The following CNTLN variants were observed in gnomAD, a reference collection of about 807,000 sequenced individuals.
The protein encoded by CNTLN is centlein, centrosomal protein.
CNTLN carries 212 observed loss-of-function variants against 180.0 expected under a neutral mutation model. The observed-to-expected ratio is 1.18, with a 90% CI of 1.05 to 1.32. CNTLN has a LOEUF of 1.32. Ranked by LOEUF, CNTLN falls within the 40% of genes most tolerant of loss-of-function variation. The pLI, the probability that CNTLN is intolerant of heterozygous loss-of-function variation, is 0.00. For synonymous variants in CNTLN, 722 were observed against 563.1 expected (o/e 1.28, Z -3.99); for missense variants, 2,095 against 1,610.9 (o/e 1.30, Z -5.14).
intron 18 of CNTLN, among the ~76,000 whole-genome samples, chr9:17,421,115 T>C (rs760041214): frequency 6.6e-6 from 1 of 152,186 alleles, no homozygotes; most frequent in Non-Finnish European, 1.5e-5. Context: ...GTTTCTTTGT[T>C]GATTTTCTAT....
chr9:17,391,926 T>G (rs112998421), intron 14 of CNTLN, among the ~76,000 whole-genome samples: 5 of 152,228 alleles, frequency 3.3e-5, no homozygotes, highest in African/African-American at 9.6e-5. Flanking sequence ...AAAGGTAAAA[T>G]AACTTAAATA....
In CNTLN at chr9:17,471,310, C is replaced by T. The variant is rs113181989; in HGVS notation, c.3855+4419C>T. On this transcript the variant is annotated intron_variant, in intron 23 of 25. Coordinates refer to ENST00000380647, the MANE Select transcript of CNTLN (RefSeq NM_017738.4). ...CGATGAAACTAAAAATGACATGTATCGCAGACAAAGACTCAAAGAGTGGAA... is the reference window on the plus strand; with the variant it reads ...CGATGAAACTAAAAATGACATGTATTGCAGACAAAGACTCAAAGAGTGGAA... Among the ~76,000 whole-genome samples, 164 of 151,992 alleles carry T rather than the reference C, an allele frequency of 1.1e-3. 1 individual carries two copies. Among genetic ancestry groups the T allele is most frequent in the African/African-American group, 3.8e-3 (158 of 41,488 alleles).
rs1246267445 is a variant in CNTLN, at chr9:17,288,075, T to C, written c.984-10115T>C. The stretch of plus-strand genomic sequence containing the variant: ...CTTTTGAATGTGTTTGGTCTTGCTT[T>C]TCTAGTTCTTTTAATTGTGATGTTA... On this transcript the variant is annotated intron_variant, in intron 6 of 25. Transcript: ENST00000380647. Among the ~76,000 whole-genome samples, 15 of 134,820 alleles carry C rather than the reference T, an allele frequency of 1.1e-4. 1 individual carries two copies. The highest frequency in any genetic ancestry group is 3.8e-4 in the African/African-American group (12 of 31,320). The allele number at this position is 134,820 out of a possible 152,430, so 88.4% of individuals were successfully genotyped here.
chr9:17,505,621 G>A (rs549829930), downstream of CNTLN, among the ~76,000 whole-genome samples: 2 of 152,098 alleles, frequency 1.3e-5, no homozygotes, highest in East Asian at 1.9e-4. Context: ...AAACACTAGC[G>A]AAAGAAATGA....
intron 25 of CNTLN, among the ~76,000 whole-genome samples, chr9:17,493,159 G>A (rs925941971): frequency 6.6e-6 from 1 of 152,028 alleles, no homozygotes; most frequent in Non-Finnish European, 1.5e-5. Flanking sequence ...GGTGGTGATG[G>A]TTACACAACA....
chr9:17,523,016 C>A, the CNTLN span, among the ~76,000 whole-genome samples: 5 of 152,084 alleles, frequency 3.3e-5, no homozygotes, highest in African/African-American at 1.2e-4. Context: ...GTAAAAGGTA[C>A]GAATGTCCCT....
chr9:17,460,460 G>A (rs1022818450), intron 19 of CNTLN, among the ~76,000 whole-genome samples: 3 of 151,654 alleles, frequency 2.0e-5, no homozygotes, highest in Non-Finnish European at 4.4e-5. Flanking sequence ...GTAGGGAATG[G>A]AAAAGGGACA....
At chr9:17,263,897 T>A (rs1827201973) in intron 5 of CNTLN, among the ~76,000 whole-genome samples, 1 of 140,278 alleles carries the variant, frequency 7.1e-6, no homozygotes, top group African/African-American at 2.8e-5. Flanking sequence ...GTTGTTTGTT[T>A]TTTTCTTGTA....
intron 5 of CNTLN, among the ~76,000 whole-genome samples, chr9:17,249,972 G>T (rs1166309104): frequency 2.0e-5 from 3 of 149,522 alleles, no homozygotes; most frequent in Non-Finnish European, 4.5e-5. Flanking sequence ...ATTTAATGTG[G>T]AATATTGAAT....
At chr9:17,469,014 C>G (rs80337831) in intron 23 of CNTLN, among the ~76,000 whole-genome samples, 8 of 151,602 alleles carry the variant, frequency 5.3e-5, no homozygotes, top group Non-Finnish European at 1.2e-4. Flanking sequence ...CTTCGGTACT[C>G]TTTCAGAATT....
chr9:17,411,985 G>C (rs777913176), intron 16 of CNTLN, among the ~76,000 whole-genome samples: 1 of 152,082 alleles, frequency 6.6e-6, no homozygotes, highest in Non-Finnish European at 1.5e-5. Context: ...TGCAGAGATG[G>C]GGAATTTAAT....
At chr9:17,159,692 G>C (rs1409878907) in intron 2 of CNTLN, among the ~76,000 whole-genome samples, 1 of 152,170 alleles carries the variant, frequency 6.6e-6, no homozygotes. Flanking sequence ...GGAAGAGGGA[G>C]CCCTGTGTTC....
intron 1 of CNTLN, among the ~76,000 whole-genome samples, chr9:17,141,879 C>T (rs1291680037): frequency 3.3e-5 from 5 of 151,832 alleles, no homozygotes; most frequent in Admixed American, 6.6e-5. Context: ...GTCAGGAGTT[C>T]GAGACCAGCC....
intron 13 of CNTLN, among the ~76,000 whole-genome samples, chr9:17,381,455 T>C (rs927833468): frequency 1.2e-4 from 19 of 152,334 alleles, no homozygotes; most frequent in Admixed American, 3.3e-4. Context: ...ATTAGGTACA[T>C]TTTTTGCCTT....
intron 2 of CNTLN, among the ~76,000 whole-genome samples, chr9:17,201,782 A>G (rs1018200442): frequency 1.3e-5 from 2 of 152,006 alleles, no homozygotes; most frequent in Non-Finnish European, 2.9e-5. Flanking sequence ...TCAAAAAACC[A>G]GCTCCTGGAT....
intron 18 of CNTLN, among the ~76,000 whole-genome samples, chr9:17,424,819 C>G (rs1470344422): frequency 6.6e-6 from 1 of 152,292 alleles, no homozygotes; most frequent in Middle Eastern, 3.4e-3. Context: ...ATGTAATGCT[C>G]TCTGCCATGT....
At chr9:17,246,634 C>T (rs553664350) in intron 5 of CNTLN, among the ~76,000 whole-genome samples, 14 of 152,274 alleles carry the variant, frequency 9.2e-5, no homozygotes, top group Non-Finnish European at 1.3e-4. Context: ...CCCTTCAGTA[C>T]GGCAAGTTTG....
intron 2 of CNTLN, among the ~76,000 whole-genome samples, chr9:17,156,239 G>A (rs1563831097): frequency 6.6e-6 from 1 of 152,156 alleles, no homozygotes; most frequent in African/African-American, 2.4e-5. Flanking sequence ...ATTGTATTGA[G>A]TAGGCCAGTT....
At chr9:17,527,890 C>G in the CNTLN span, among the ~76,000 whole-genome samples, 2 of 151,922 alleles carry the variant, frequency 1.3e-5, no homozygotes, top group Non-Finnish European at 2.9e-5. Flanking sequence ...CAAAGAGATA[C>G]AGGAGCCAGG....
Sources: gnomAD v4.1 joint callset for allele counts (sites outside exome capture counted in the v4.1 genomes callset) on GRCh38, gnomAD v4.1.1 for gene constraint, MANE v1.5 for transcripts, NCBI Gene and HGNC (gene_info 2026-07-23, HGNC 2026-07-21) for gene names.